SYT16: variants seen among roughly 807,000 people sequenced by gnomAD.
SYT16 encodes the protein synaptotagmin 16.
Under a neutral mutation model 61.4 loss-of-function variants are expected in SYT16, and 42 were observed. The observed-to-expected ratio is 0.68, with a 90% CI of 0.53 to 0.89. The LOEUF is 0.89. Among genes scored for constraint, SYT16 ranks in the 40% least tolerant of loss-of-function variants. The probability of loss-of-function intolerance (pLI) is 0.00; values close to 1 mark genes in which losing one functional copy is unlikely to be tolerated. For missense variants in SYT16, 804 were observed against 807.3 expected, an observed-to-expected ratio of 1.00 and a Z score of 0.05; for synonymous variants, 314 against 302.3, an observed-to-expected ratio of 1.04 and a Z score of -0.40.
intron 3 of SYT16, among the ~76,000 whole-genome samples, chr14:62,041,741 C>G (rs1011561145): frequency 4.0e-5 from 6 of 151,780 alleles, no homozygotes; most frequent in Admixed American, 2.6e-4. Flanking sequence ...TTTTTTCTGC[C>G]CCTCTCTCCT....
intron 1 of SYT16, among the ~76,000 whole-genome samples, chr14:61,863,265 C>T (rs991989359): frequency 3.3e-5 from 5 of 150,332 alleles, no homozygotes; most frequent in Non-Finnish European, 7.4e-5. Context: ...CCTGTTGTTC[C>T]GCAACCTCTC....
intron 1 of SYT16, among the ~76,000 whole-genome samples, chr14:61,924,995 AACG>A: frequency 6.6e-6 from 1 of 152,210 alleles, no homozygotes; most frequent in Non-Finnish European, 1.5e-5. Context: ...TTGCCTATAA[AACG>A]TACACTTGCA....
intron 1 of SYT16, among the ~76,000 whole-genome samples, chr14:61,855,248 C>T (rs944439657): frequency 3.9e-5 from 6 of 152,176 alleles, no homozygotes; most frequent in African/African-American, 1.4e-4. Context: ...ACAAGTTTAT[C>T]TTGCACCTAT....
At chr14:61,903,654 T>C (rs2048600513) in intron 1 of SYT16, among the ~76,000 whole-genome samples, 1 of 152,336 alleles carries the variant, frequency 6.6e-6, no homozygotes, top group South Asian at 2.1e-4. Context: ...AAATATTCAC[T>C]AAATATTCAT....
At chr14:61,817,009 A>T (rs1406483034) in intron 1 of SYT16, among the ~76,000 whole-genome samples, 8 of 2,560 alleles carry the variant, frequency 3.1e-3, no homozygotes, top group Admixed American at 0.024. Flanking sequence ...AGGCTCCGTC[A>T]CACACACACA....
chr14:62,065,053 A>G (rs935042594), intron 3 of SYT16, among the ~76,000 whole-genome samples: 1 of 151,908 alleles, frequency 6.6e-6, no homozygotes, highest in African/African-American at 2.4e-5. Flanking sequence ...ATAAGCCTGT[A>G]TGCACTCACA....
At chr14:61,942,114 G>C (rs1315227784) in intron 1 of SYT16, among the ~76,000 whole-genome samples, 1 of 152,152 alleles carries the variant, frequency 6.6e-6, no homozygotes, top group Non-Finnish European at 1.5e-5. Flanking sequence ...TTTAGATAAG[G>C]CATTGCTTAC....
At chr14:61,950,331 T>G (rs1420788482) in intron 1 of SYT16, among the ~76,000 whole-genome samples, 1 of 138,388 alleles carries the variant, frequency 7.2e-6, no homozygotes, top group Non-Finnish European at 1.6e-5. Context: ...AAGGACTCTT[T>G]TAGATGGGCC....
intron 3 of SYT16, among the ~76,000 whole-genome samples, chr14:62,062,277 C>T (rs146749447): frequency 7.7e-4 from 117 of 152,072 alleles, no homozygotes; most frequent in African/African-American, 2.6e-3. Context: ...TAAGTAGCCT[C>T]AGCCTTAGTT....
intron 3 of SYT16, among the ~76,000 whole-genome samples, chr14:62,039,875 A>ACACACACACACACG (rs1390417627): frequency 1.9e-5 from 2 of 105,380 alleles, no homozygotes; most frequent in Non-Finnish European, 2.3e-5. Flanking sequence ...ACACACACAC[A>ACACACACACACACG]CACGCACATA....
intron 3 of SYT16, among the ~76,000 whole-genome samples, chr14:62,052,503 G>A (rs546915019): frequency 5.5e-4 from 84 of 152,116 alleles, no homozygotes; most frequent in Non-Finnish European, 1.0e-3. Flanking sequence ...ATATGCATGC[G>A]ATTACTATGT....
chr14:62,074,499 A>G (rs978378683), intron 4 of SYT16, among the ~76,000 whole-genome samples: 3 of 152,180 alleles, frequency 2.0e-5, no homozygotes, highest in African/African-American at 7.2e-5. Flanking sequence ...TATTTACGGA[A>G]GGCCTTGCTG....
At position 61,996,333 on chromosome 14, in the gene SYT16, C is replaced by A; in HGVS notation, c.314C>A (p.Ser105Ter). The A allele has an allele frequency of 6.2e-7, 1 of 1,613,360 alleles. No homozygotes were observed. The highest frequency in any genetic ancestry group is 8.5e-7 in the Non-Finnish European group (1 of 1,179,484). ...NSDLQDSAQN[S>*]SPSLSQHAKD... The stretch of plus-strand genomic sequence containing the variant: ...GATTTGCAGGACTCTGCCCAAAATT[C>A]AAGCCCAAGCCTTAGCCAACATGCA... The change falls in exon 3 of 8, where the codon TCA becomes TAA. Residue 105 changes from serine (S) to a stop codon, truncating the protein, a stop_gained. Coordinates refer to ENST00000683842, the MANE Select transcript of SYT16 (RefSeq NM_001367656.1). LOFTEE classifies it high-confidence loss of function.
At chr14:62,052,586 G>A (rs2055358588) in intron 3 of SYT16, among the ~76,000 whole-genome samples, 1 of 152,108 alleles carries the variant, frequency 6.6e-6, no homozygotes, top group Non-Finnish European at 1.5e-5. Flanking sequence ...GTGTGTTTGT[G>A]GGGTGTTATG....
At chr14:61,838,620 T>C (rs1231693403) in intron 1 of SYT16, among the ~76,000 whole-genome samples, 2 of 152,242 alleles carry the variant, frequency 1.3e-5, no homozygotes, top group African/African-American at 4.8e-5. Flanking sequence ...CCTTTTGGCA[T>C]AGGCTTTCTT....
At chr14:61,939,753 G>C (rs2050136028) in intron 1 of SYT16, among the ~76,000 whole-genome samples, 1 of 152,138 alleles carries the variant, frequency 6.6e-6, no homozygotes, top group Non-Finnish European at 1.5e-5. Flanking sequence ...ACACAGTTCA[G>C]TCCATCACAG....
rs1380226430 is a variant in SYT16 at position 61,854,018 on chromosome 14, C to A, written c.-325+41208C>A. 2.6e-5 allele frequency among the ~76,000 whole-genome samples: 4 copies of A among 152,012 alleles called. No homozygotes were observed. In the East Asian group the frequency reaches 7.7e-4, roughly 29 times the overall value. ...CGTAATCTATGAACATCATAGTTTA[C>A]CCTACCATACTTTAAATATGCTCAG... On this transcript the variant is annotated intron_variant, in intron 1 of 7. Coordinates refer to ENST00000683842, the MANE Select transcript of SYT16 (RefSeq NM_001367656.1).
intron 3 of SYT16, among the ~76,000 whole-genome samples, chr14:62,022,494 G>T (rs1440104554): frequency 6.6e-6 from 1 of 152,002 alleles, no homozygotes; most frequent in South Asian, 2.1e-4. Flanking sequence ...ATTTAGGTGT[G>T]ATCTGCTTTT....
intron 3 of SYT16, among the ~76,000 whole-genome samples, chr14:62,000,098 G>GGTTTTTTTT (rs1566751979): frequency 1.1e-4 from 4 of 35,520 alleles, no homozygotes; most frequent in Admixed American, 3.2e-4. Context: ...TTTGTCTCTC[G>GGTTTTTTTT]ATTTTTTTTT....
Sources: gnomAD v4.1 joint callset for allele counts (sites outside exome capture counted in the v4.1 genomes callset) on GRCh38, gnomAD v4.1.1 for gene constraint, MANE v1.5 for transcripts, NCBI Gene and HGNC (gene_info 2026-07-23, HGNC 2026-07-21) for gene names.